GPM6A: variants seen among roughly 807,000 people sequenced by gnomAD.
GPM6A encodes neuronal membrane glycoprotein M6-a.
In GPM6A, 7 loss-of-function variants were observed where a neutral mutation model predicts 32.1. The observed-to-expected ratio is 0.22, with a 90% CI of 0.12 to 0.41. The LOEUF is 0.41. Among genes scored for constraint, GPM6A ranks in the 10% least tolerant of loss-of-function variants. The pLI, the probability that GPM6A is intolerant of heterozygous loss-of-function variation, is 1.00. For synonymous variants in GPM6A, 130 were observed against 123.4 expected (o/e 1.05, Z -0.35); for missense variants, 235 against 347.2 (o/e 0.68, Z 2.57).
chr4:175,714,417 G>T (rs1179465278), intron 1 of GPM6A, among the ~76,000 whole-genome samples: 1 of 151,996 alleles, frequency 6.6e-6, no homozygotes, highest in African/African-American at 2.4e-5. Flanking sequence ...CAGGGTTTCA[G>T]TCTGTGCCCA....
intron 1 of GPM6A, among the ~76,000 whole-genome samples, chr4:175,955,885 G>C (rs1739970165): frequency 6.6e-6 from 1 of 152,172 alleles, no homozygotes; most frequent in Non-Finnish European, 1.5e-5. Flanking sequence ...ATGGTCTATG[G>C]AGAGCCCATT....
At chr4:175,776,055 G>A (rs945039497) in intron 1 of GPM6A, among the ~76,000 whole-genome samples, 33 of 152,076 alleles carry the variant, frequency 2.2e-4, no homozygotes, top group Non-Finnish European at 2.9e-5. Flanking sequence ...ATTAATTTGT[G>A]GTGTGAGAAT....
chr4:175,936,132 C>T (rs934898662), intron 1 of GPM6A, among the ~76,000 whole-genome samples: 8 of 151,072 alleles, frequency 5.3e-5, no homozygotes, highest in Non-Finnish European at 7.4e-5. Flanking sequence ...GGTGAAACCC[C>T]GTCTCTACTA....
chr4:175,901,628 C>CTTT (rs59461626), intron 1 of GPM6A, among the ~76,000 whole-genome samples: 6 of 127,034 alleles, frequency 4.7e-5, no homozygotes, highest in South Asian at 2.4e-4. Context: ...TTTTCTTTTT[C>CTTT]TTTTTTTTTT....
At chr4:175,674,550 A>G (rs1245665664) in intron 2 of GPM6A, among the ~76,000 whole-genome samples, 2 of 152,218 alleles carry the variant, frequency 1.3e-5, no homozygotes, top group Non-Finnish European at 2.9e-5. Flanking sequence ...AGATTTGTGT[A>G]TGTAACACTG....
At chr4:176,001,720 A>T (rs1741488117) in intron 1 of GPM6A, among the ~76,000 whole-genome samples, 1 of 152,114 alleles carries the variant, frequency 6.6e-6, no homozygotes, top group South Asian at 2.1e-4. Flanking sequence ...CCTCAACCTC[A>T]AACCTTTTGT....
intron 1 of GPM6A, among the ~76,000 whole-genome samples, chr4:175,711,990 T>C (rs760378440): frequency 2.6e-5 from 4 of 152,050 alleles, no homozygotes; most frequent in Non-Finnish European, 5.9e-5. Flanking sequence ...TAAATGGAAA[T>C]ATAGCAGAAG....
chr4:175,899,835 C>G (rs183551480), intron 1 of GPM6A, among the ~76,000 whole-genome samples: 94 of 152,172 alleles, frequency 6.2e-4, no homozygotes, highest in African/African-American at 2.1e-3. Context: ...CAATACCTCA[C>G]AAGCACAGGC....
chr4:175,927,751 G>T (rs960004179), intron 1 of GPM6A, among the ~76,000 whole-genome samples: 22 of 152,186 alleles, frequency 1.4e-4, no homozygotes, highest in African/African-American at 5.3e-4. Flanking sequence ...AGAGCGTGGC[G>T]GTGCACGCCT....
At chr4:175,831,806 C>T (rs1735624211) in intron 1 of GPM6A, among the ~76,000 whole-genome samples, 1 of 141,360 alleles carries the variant, frequency 7.1e-6, no homozygotes, top group Admixed American at 7.8e-5. Context: ...GCAAGCTCCT[C>T]CTCCTGGGTT....
chr4:175,636,260 GTATATATATATATATATATA>G (rs34516159), intron 6 of GPM6A, among the ~76,000 whole-genome samples: 13 of 101,338 alleles, frequency 1.3e-4, no homozygotes, highest in Non-Finnish European at 1.4e-4. Context: ...CATAATCACT[GTATATATATATATATATATA>G]TATATATATA....
At chr4:175,697,459 A>G (rs1744644701) in intron 2 of GPM6A, among the ~76,000 whole-genome samples, 1 of 152,162 alleles carries the variant, frequency 6.6e-6, no homozygotes, top group Non-Finnish European at 1.5e-5. Flanking sequence ...AGCTGTTTTG[A>G]GTGCTGAGTG....
At chr4:175,800,974 TAAGAC>T (rs1260576465) in intron 1 of GPM6A, 1 of 195,226 alleles carries the variant, frequency 5.1e-6, no homozygotes, top group African/African-American at 2.4e-5. Flanking sequence ...CTGTCTACAT[TAAGAC>T]AAGCAGGGTA....
At chr4:175,694,056 G>T (rs1744438287) in intron 2 of GPM6A, among the ~76,000 whole-genome samples, 1 of 152,132 alleles carries the variant, frequency 6.6e-6, no homozygotes, top group African/African-American at 2.4e-5. Flanking sequence ...ATAATTGTGA[G>T]TTTCCTGAGG....
intron 1 of GPM6A, among the ~76,000 whole-genome samples, chr4:175,937,305 A>G (rs868205801): frequency 2.1e-4 from 32 of 152,148 alleles, no homozygotes; most frequent in African/African-American, 6.0e-4. Flanking sequence ...AATGCCCCTC[A>G]ATTAAATACA....
At chr4:175,764,972 C>G (rs1162238313) in intron 1 of GPM6A, among the ~76,000 whole-genome samples, 1 of 151,750 alleles carries the variant, frequency 6.6e-6, no homozygotes, top group Non-Finnish European at 1.5e-5. Flanking sequence ...CTCCCGGGTT[C>G]AAGTGATTCT....
intron 1 of GPM6A, among the ~76,000 whole-genome samples, chr4:175,782,975 T>C (rs1733669705): frequency 6.6e-6 from 1 of 151,930 alleles, no homozygotes; most frequent in Non-Finnish European, 1.5e-5. Flanking sequence ...AATTTATTGT[T>C]GTAAGTTATT....
intron 1 of GPM6A, among the ~76,000 whole-genome samples, chr4:175,783,578 G>A (rs1337699907): frequency 1.3e-5 from 2 of 151,738 alleles, no homozygotes; most frequent in African/African-American, 4.8e-5. Flanking sequence ...TAAAATGAAT[G>A]CATACTTTGA....
At chr4:175,907,983 G>A (rs1488447901) in intron 1 of GPM6A, among the ~76,000 whole-genome samples, 1 of 152,092 alleles carries the variant, frequency 6.6e-6, no homozygotes, top group Non-Finnish European at 1.5e-5. Context: ...CTCCTACACT[G>A]TTGAATAGTA....
Sources: gnomAD v4.1 joint callset for allele counts (sites outside exome capture counted in the v4.1 genomes callset) on GRCh38, gnomAD v4.1.1 for gene constraint, MANE v1.5 for transcripts, NCBI Gene and HGNC (gene_info 2026-07-23, HGNC 2026-07-21) for gene names.